C2CD2: variants seen among roughly 807,000 people sequenced by gnomAD.
C2CD2 encodes the protein C2 domain-containing protein 2.
In C2CD2, 43 loss-of-function variants were observed where a neutral mutation model predicts 74.3. The ratio of observed to expected loss-of-function variants is 0.58; its 90% CI spans 0.45 to 0.75. The LOEUF (loss-of-function observed/expected upper bound fraction) is 0.75. Among genes scored for constraint, C2CD2 ranks in the 30% least tolerant of loss-of-function variants. The pLI is 0.00. For missense variants in C2CD2, 801 were observed against 916.3 expected (o/e 0.87, Z 1.63); for synonymous variants, 422 against 390.7 (o/e 1.08, Z -0.94).
At position 41,929,448 on chromosome 21, in the gene C2CD2, G is replaced by A. The variant is rs923226935; in HGVS notation, c.379-7363C>T. ...TGCCCTGCTTCCCACAGCCCTGCAC[G>A]GGAGGGGCCCCTACACAACAGACAC... On this transcript the variant is annotated intron_variant, in intron 2 of 13. Transcript: ENST00000380486. This position sits in a 1 kb window ranked among gnomAD's most constrained non-coding sequence, Gnocchi z 4.6. Among the ~76,000 whole-genome samples the A allele has an allele frequency of 9.2e-5, 14 of 152,194 alleles. No individual in the cohort carries two copies. Among genetic ancestry groups the A allele is most frequent in the African/African-American group, 2.9e-4 (12 of 41,442 alleles).
intron 2 of C2CD2, among the ~76,000 whole-genome samples, chr21:41,928,836 G>A (rs537334166): frequency 5.9e-5 from 9 of 152,296 alleles, no homozygotes; most frequent in African/African-American, 1.4e-4. Flanking sequence ...AATTCCACAC[G>A]ATCGTCCAGT....
intron 1 of C2CD2, among the ~76,000 whole-genome samples, chr21:41,948,996 T>C (rs566815068): frequency 5.4e-5 from 8 of 147,306 alleles, no homozygotes; most frequent in Admixed American, 2.8e-4. Flanking sequence ...ACAAACAGCG[T>C]TGGGGACCCT....
chr21:41,925,777 C>T (rs910882040), intron 2 of C2CD2, among the ~76,000 whole-genome samples: 3 of 152,174 alleles, frequency 2.0e-5, no homozygotes, highest in Non-Finnish European at 4.4e-5. Context: ...GTCAGGATCG[C>T]CTGACACAGG....
At chr21:41,947,141 C>CTCTCTCTCTCTCTCTCTCT (rs1569084407) in intron 1 of C2CD2, among the ~76,000 whole-genome samples, 19 of 20,180 alleles carry the variant, frequency 9.4e-4, no homozygotes, top group African/African-American at 4.3e-3. Flanking sequence ...TCTCTCTCTC[C>CTCTCTCTCTCTCTCTCTCT]CTCCCTCCCT....
chr21:41,917,772 C>G (rs2065108807), intron 5 of C2CD2, among the ~76,000 whole-genome samples: 1 of 152,182 alleles, frequency 6.6e-6, no homozygotes, highest in African/African-American at 2.4e-5. Flanking sequence ...CTCTGTCTAT[C>G]CCACCCACCT....
chr21:41,889,166 G>C lies in C2CD2; in HGVS notation c.2049C>G (p.Asn683Lys). The C allele has an allele frequency of 1.2e-6, 2 of 1,612,728 alleles. No homozygotes were observed. The highest frequency in any genetic ancestry group is 8.5e-7 in the Non-Finnish European group (1 of 1,180,018). ...LNKKLLSRHR[N>K]KNTMNGAPVE... ...CGGGGGCACCGTTCATGGTGTTCTT[G>C]TTTCTGTGCCTGGAGAGCAGCTTCT... Residue 683 changes from asparagine to lysine, a missense_variant, in exon 14 of 14, where the codon AAC becomes AAG. Physicochemically the swap from Asn to Lys is moderately conservative, Grantham distance 94. Transcript: ENST00000380486.
chr21:41,932,708 C>T (rs1381149677), intron 2 of C2CD2, among the ~76,000 whole-genome samples: 1 of 150,516 alleles, frequency 6.6e-6, no homozygotes, highest in Non-Finnish European at 1.5e-5. Context: ...GCGGCTGGGC[C>T]GGGTGTGGAC....
rs374472262 is a variant in C2CD2, at chr21:41,905,830, C to T, written c.1326G>A (p.Pro442=). Residue 442 remains proline, a synonymous_variant, in exon 11 of 14, where the codon CCG becomes CCA. Coordinates refer to ENST00000380486, the MANE Select transcript of C2CD2 (RefSeq NM_015500.2). ...GRASPLSSDS[P]VKTPIKVKVI... is the part of the protein sequence containing the mutation. ...CCTTCACCTTGATGGGAGTCTTCAC[C>T]GGAGAATCTGCCAGAGGAAGATCCT... The T allele has an allele frequency of 8.3e-6, 13 of 1,568,194 alleles. No homozygotes were observed. The highest frequency in any genetic ancestry group is 6.8e-5 in the African/African-American group (5 of 74,044).
intron 1 of C2CD2, among the ~76,000 whole-genome samples, chr21:41,950,008 G>A (rs2065437017): frequency 6.6e-6 from 1 of 152,172 alleles, no homozygotes; most frequent in African/African-American, 2.4e-5. Flanking sequence ...GGCTGGGGAA[G>A]GGATAGCACT....
At chr21:41,906,291 C>T (rs2064961175) in intron 10 of C2CD2, among the ~76,000 whole-genome samples, 2 of 152,228 alleles carry the variant, frequency 1.3e-5, no homozygotes, top group African/African-American at 2.4e-5. Context: ...CTACAAGGAC[C>T]ACTCACTTTG....
In C2CD2 at chr21:41,899,736, G is replaced by A. The variant is rs2064870541; in HGVS notation, c.1561-374C>T. Among the ~76,000 whole-genome samples the A allele has an allele frequency of 6.6e-6, 1 of 152,188 alleles. No homozygotes were observed. The highest frequency in any genetic ancestry group is 2.4e-5 in the African/African-American group (1 of 41,446). ...GACAGCACAAAGGAAATGGCCGTGG[G>A]TGTTTCGGGTTTAGCTGTCTTTGTT... On this transcript the variant is annotated intron_variant, in intron 12 of 13. Coordinates refer to ENST00000380486, the MANE Select transcript of C2CD2 (RefSeq NM_015500.2). This position sits in a 1 kb window ranked among gnomAD's most constrained non-coding sequence, Gnocchi z 4.4.
chr21:41,942,207 C>T lies in C2CD2; in HGVS notation c.318G>A (p.Gln106=). The T allele has an allele frequency of 6.5e-7, 1 of 1,549,612 alleles. No homozygotes were observed. The change falls in exon 2 of 14, where the codon CAG becomes CAA. Residue 106 remains glutamine (Q), a synonymous_variant. Transcript: ENST00000380486. ...PFLSFEEDPR[Q]QALELVVQEV... ...CCTGCACCACCAGCTCCAGTGCCTG[C>T]TGCCGCGGGTCCTCCTCAAAGGACA...
Position 41,953,480 on chromosome 21 carries a change from G to A in C2CD2, c.169C>T (p.Arg57Cys), listed in dbSNP as rs1213857564. 2 of 1,482,216 alleles carry A rather than the reference G, an allele frequency of 1.3e-6. No individual in the cohort carries two copies. The highest frequency in any genetic ancestry group is 2.3e-5 in the Admixed American group (1 of 43,986). 91.8% of individuals were successfully genotyped at this position (1,482,216 alleles called of 1,614,324 possible). A position where few individuals can be genotyped will look rare whatever the true frequency, so the allele number is the denominator to read the frequency against. The change falls in exon 1 of 14, where the codon CGC becomes TGC. Residue 57 changes from arginine (R) to cysteine (C), a missense_variant. Physicochemically the swap from Arg to Cys is radical, Grantham distance 180. Transcript: ENST00000380486. ...GAGAGCAGCGCGTCGGACCCCGGGC[G>A]CGGCCCCTCTCCAGGCTCCACCGCC... ...RRAVEPGEGP[R>C]PGSDALLSWI...
At chr21:41,937,466 CAT>C (rs2065318507) in intron 2 of C2CD2, among the ~76,000 whole-genome samples, 1 of 152,204 alleles carries the variant, frequency 6.6e-6, no homozygotes, top group South Asian at 2.1e-4. Context: ...ATACAGATAA[CAT>C]ACAAAATATA....
rs1002839578 is a variant in C2CD2, at chr21:41,923,345, G to A, written c.379-1260C>T. 1.3e-5 allele frequency among the ~76,000 whole-genome samples: 2 copies of A among 152,140 alleles called. No homozygotes were observed. The highest frequency in any genetic ancestry group is 2.4e-5 in the African/African-American group (1 of 41,410). ...CTTGTTCTATTTCTCCACAATAGCT[G>A]ATTTTTAATTCCCCAAATGTTTCCA... On this transcript the variant is annotated intron_variant, in intron 2 of 13. Coordinates refer to ENST00000380486, the MANE Select transcript of C2CD2 (RefSeq NM_015500.2). The surrounding 1 kb of genome is among the most constrained non-coding windows in gnomAD (Gnocchi z 5.8).
Position 41,939,615 on chromosome 21 carries a change from C to G in C2CD2, c.378+2532G>C, listed in dbSNP as rs531903575. Among the ~76,000 whole-genome samples, 1 of 152,336 alleles carries G rather than the reference C, an allele frequency of 6.6e-6. No homozygotes were observed. The highest frequency in any genetic ancestry group is 1.9e-4 in the East Asian group (1 of 5,182). On this transcript the variant is annotated intron_variant, in intron 2 of 13. Coordinates refer to ENST00000380486, the MANE Select transcript of C2CD2 (RefSeq NM_015500.2). This position sits in a 1 kb window ranked among gnomAD's most constrained non-coding sequence, Gnocchi z 5.5. ...TGGAGCACCTGCCGCAGGGCCCTCC[C>G]AGCTCTCCAGGCTGTGCCAGTCTCA... is the stretch of plus-strand genomic sequence containing the variant.
Position 41,892,984 on chromosome 21 carries a change from A to C in C2CD2, c.1871-3640T>G, listed in dbSNP as rs1456159060. Among the ~76,000 whole-genome samples the C allele has an allele frequency of 6.6e-6, 1 of 152,192 alleles. No homozygotes were observed. The highest frequency in any genetic ancestry group is 1.5e-5 in the Non-Finnish European group (1 of 68,032). ...GAGGGAAATGGGTGTGGAGACAGGC[A>C]AGGCACGGCTGTGTTCAAAAGACCT... is the stretch of plus-strand genomic sequence containing the variant. On this transcript the variant is annotated intron_variant, in intron 13 of 13. Transcript: ENST00000380486. This position sits in a 1 kb window ranked among gnomAD's most constrained non-coding sequence, Gnocchi z 4.6.
chr21:41,946,331 C>T (rs1399420377), intron 1 of C2CD2, among the ~76,000 whole-genome samples: 3 of 152,160 alleles, frequency 2.0e-5, no homozygotes, highest in Non-Finnish European at 4.4e-5. Flanking sequence ...TTTTAATCTC[C>T]AGTGTTACCA....
At chr21:41,933,888 G>C (rs1039840849) in intron 2 of C2CD2, among the ~76,000 whole-genome samples, 1 of 152,158 alleles carries the variant, frequency 6.6e-6, no homozygotes, top group African/African-American at 2.4e-5. Context: ...TTCCTCATTT[G>C]GCCACAAAAA....
Sources: gnomAD v4.1 joint callset for allele counts (sites outside exome capture counted in the v4.1 genomes callset) on GRCh38, gnomAD v4.1.1 for gene constraint, Gnocchi (gnomAD v3.1) non-coding constraint, MANE v1.5 for transcripts, NCBI Gene and HGNC (gene_info 2026-07-23, HGNC 2026-07-21) for gene names.